The following HERC3 variants were observed in gnomAD, a reference collection of about 807,000 sequenced individuals.
The protein encoded by HERC3 is probable E3 ubiquitin-protein ligase HERC3.
A neutral mutation model predicts 129.9 loss-of-function variants in HERC3; 58 were observed. The observed-to-expected ratio is 0.45, with a 90% CI of 0.36 to 0.56. The LOEUF is 0.56. Ranked by LOEUF, HERC3 falls within the 20% of genes least tolerant of loss-of-function variation. The probability of loss-of-function intolerance (pLI) is 0.00; values close to 1 mark genes in which losing one functional copy is unlikely to be tolerated. For missense variants in HERC3, 835 were observed against 1,244.2 expected (o/e 0.67, Z 4.95); for synonymous variants, 430 against 451.0 (o/e 0.95, Z 0.59).
At position 88,669,965 on chromosome 4, in the gene HERC3, C is replaced by A; in HGVS notation, c.1739C>A (p.Pro580His). The change falls in exon 15 of 26, where the codon CCC becomes CAC. Residue 580 changes from proline to histidine, a missense_variant. Pro to His is a moderately conservative substitution (Grantham distance 77). Coordinates refer to ENST00000402738, the MANE Select transcript of HERC3 (RefSeq NM_014606.3). ...LLRGRKTFLIPVLFNNYITAA... is the reference protein window; with the variant it reads ...LLRGRKTFLIHVLFNNYITAA... ...AGGGGAAGAAAGACATTCTTAATTCCCGTACTGTTTAACAATTATATCACA... is the reference window on the plus strand; with the variant it reads ...AGGGGAAGAAAGACATTCTTAATTCACGTACTGTTTAACAATTATATCACA... 1 of 1,613,808 alleles carries A rather than the reference C, an allele frequency of 6.2e-7. No homozygotes were observed. Among genetic ancestry groups the A allele is most frequent in the Non-Finnish European group, 8.5e-7 (1 of 1,179,842 alleles).
chr4:88,604,023 CTT>C (rs60127795), intron 2 of HERC3, among the ~76,000 whole-genome samples: 9 of 145,048 alleles, frequency 6.2e-5, no homozygotes, highest in Admixed American at 6.9e-5. Context: ...ATAAAATTTA[CTT>C]TTTTTTTTTT....
chr4:88,543,162 A>G, the HERC3 span, among the ~76,000 whole-genome samples: 3 of 152,224 alleles, frequency 2.0e-5, no homozygotes, highest in Non-Finnish European at 4.4e-5. Context: ...CTGTTTGCAA[A>G]TGACATGATT....
At chr4:88,602,970 G>C (rs1363897086) in intron 2 of HERC3, among the ~76,000 whole-genome samples, 2 of 152,134 alleles carry the variant, frequency 1.3e-5, no homozygotes, top group Non-Finnish European at 2.9e-5. Context: ...TTATTTTCAA[G>C]GTTCTTTTTA....
chr4:88,611,490 A>T (rs1226746510), intron 3 of HERC3, among the ~76,000 whole-genome samples: 1 of 152,190 alleles, frequency 6.6e-6, no homozygotes. Context: ...CTTCCTTAAA[A>T]GAGGATTTTT....
intron 4 of HERC3, 71 bp from the exon 5 acceptor site, chr4:88,651,941 T>C (rs1246581482): frequency 1.9e-6 from 2 of 1,072,458 alleles, no homozygotes; most frequent in African/African-American, 3.1e-5. Context: ...TTTTATTTAA[T>C]TGGGAATATT....
the HERC3 span, among the ~76,000 whole-genome samples, chr4:88,554,247 G>A: frequency 6.6e-6 from 1 of 151,008 alleles, no homozygotes; most frequent in Non-Finnish European, 1.5e-5. Flanking sequence ...TTGGGAGTCT[G>A]AGACAGGAGA....
At chr4:88,601,187 G>A (rs952258426) in intron 2 of HERC3, among the ~76,000 whole-genome samples, 3 of 152,296 alleles carry the variant, frequency 2.0e-5, no homozygotes, top group Middle Eastern at 3.4e-3. Context: ...GTGTAAGACA[G>A]CAAATTGAGA....
the HERC3 span, among the ~76,000 whole-genome samples, chr4:88,563,430 A>G: frequency 6.6e-6 from 1 of 152,172 alleles, no homozygotes; most frequent in Non-Finnish European, 1.5e-5. Flanking sequence ...CAATTACAAG[A>G]TCATGTGATC....
chr4:88,676,239 C>T lies in HERC3; in HGVS notation c.1933C>T (p.Gln645Ter). The change falls in exon 17 of 26, where the codon CAG (glutamine) becomes TAG (stop). Residue 645 changes from glutamine (Q) to a stop codon, truncating the protein, a stop_gained and splice_region_variant. Transcript: ENST00000402738. LOFTEE classifies it high-confidence loss of function. ...AGMKARPSII[Q>*]DTVTLCSYPF... is the part of the protein sequence containing the mutation. ...ACAGAAGGCTAGACCATCAATAATA[C>T]AGGTAAATGATCCTTTTTAAATTTG... The T allele has an allele frequency of 6.4e-7, 1 of 1,569,976 alleles. No homozygotes were observed. Among genetic ancestry groups the T allele is most frequent in the Non-Finnish European group, 8.8e-7 (1 of 1,140,302 alleles).
the HERC3 span, among the ~76,000 whole-genome samples, chr4:88,582,022 A>G: frequency 2.0e-4 from 30 of 152,278 alleles, no homozygotes; most frequent in African/African-American, 7.0e-4. Context: ...CTATAGTTAA[A>G]TTTGATGTCA....
chr4:88,611,531 G>A (rs2924942), intron 3 of HERC3, among the ~76,000 whole-genome samples: 55,636 of 151,932 alleles, frequency 0.37, 11,888 homozygotes, highest in African/African-American at 0.58. Flanking sequence ...TGTGATTTCA[G>A]CTTGGTATCA....
intron 3 of HERC3, among the ~76,000 whole-genome samples, chr4:88,627,924 A>T (rs1462744329): frequency 6.7e-6 from 1 of 149,496 alleles, no homozygotes; most frequent in Non-Finnish European, 1.5e-5. Flanking sequence ...AAAAAAAAAA[A>T]AGAAAACTTA....
intron 3 of HERC3, among the ~76,000 whole-genome samples, chr4:88,634,443 G>T (rs925262867): frequency 9.2e-5 from 14 of 152,162 alleles, no homozygotes; most frequent in Admixed American, 3.9e-4. Flanking sequence ...CTTCCTTGCA[G>T]GAACTCCGTC....
At chr4:88,599,702 A>G (rs1428387339) in intron 2 of HERC3, among the ~76,000 whole-genome samples, 2 of 152,254 alleles carry the variant, frequency 1.3e-5, no homozygotes, top group African/African-American at 2.4e-5. Context: ...TGGTCACAGT[A>G]TTCTATCCCT....
At chr4:88,693,378 T>A (rs1157853772) in intron 23 of HERC3, 1 of 964,910 alleles carries the variant, frequency 1.0e-6, no homozygotes, top group Admixed American at 6.2e-5. Flanking sequence ...TGAATTATAC[T>A]CCCTTATATG....
At chr4:88,540,292 G>C in the HERC3 span, among the ~76,000 whole-genome samples, 1 of 152,236 alleles carries the variant, frequency 6.6e-6, no homozygotes, top group East Asian at 1.9e-4. Context: ...AGAACTTCGT[G>C]ACACACACAA....
intron 3 of HERC3, among the ~76,000 whole-genome samples, chr4:88,628,624 A>G (rs1396898362): frequency 6.6e-6 from 1 of 152,226 alleles, no homozygotes; most frequent in African/African-American, 2.4e-5. Flanking sequence ...AAATGTTATC[A>G]TATTATCAAA....
At chr4:88,602,590 A>G (rs1578144726) in intron 2 of HERC3, among the ~76,000 whole-genome samples, 1 of 151,576 alleles carries the variant, frequency 6.6e-6, no homozygotes, top group East Asian at 2.0e-4. Context: ...CGATCCTCTC[A>G]CCCCAGCACC....
chr4:88,592,171 C>A (rs907199163), upstream of HERC3, among the ~76,000 whole-genome samples: 3 of 152,258 alleles, frequency 2.0e-5, no homozygotes, highest in Non-Finnish European at 4.4e-5. Context: ...CAGCTCGCTT[C>A]CCCGCCAGTG....
Sources: gnomAD v4.1 joint callset for allele counts (sites outside exome capture counted in the v4.1 genomes callset) on GRCh38, gnomAD v4.1.1 for gene constraint, MANE v1.5 for transcripts, NCBI Gene and HGNC (gene_info 2026-07-23, HGNC 2026-07-21) for gene names.